CNTNAP2: variants seen among roughly 807,000 people sequenced by gnomAD.
CNTNAP2 encodes contactin associated protein 2, also known as contactin-associated protein-like 2.
In CNTNAP2, 98 loss-of-function variants were observed where a neutral mutation model predicts 155.2. That is an observed-to-expected ratio of 0.63 (90% confidence interval 0.54 to 0.75). CNTNAP2 has a LOEUF of 0.75. CNTNAP2 is among the 30% of genes least tolerant of loss of function. The pLI is 0.00. For missense variants in CNTNAP2, 1,727 were observed against 1,688.1 expected, an observed-to-expected ratio of 1.02 and a Z score of -0.40; for synonymous variants, 651 against 631.2, an observed-to-expected ratio of 1.03 and a Z score of -0.47.
chr7:146,280,646 C>T (rs802514), intron 1 of CNTNAP2, among the ~76,000 whole-genome samples: 9,027 of 152,148 alleles, frequency 0.059, 729 homozygotes, highest in African/African-American at 0.18. Context: ...GTAGGGTCAT[C>T]GGCTGCCCAC....
chr7:148,176,215 T>C (rs1165221761), intron 18 of CNTNAP2, among the ~76,000 whole-genome samples: 1 of 45,640 alleles, frequency 2.2e-5, no homozygotes, highest in Non-Finnish European at 5.1e-5. Flanking sequence ...CTTTCTCTTT[T>C]TTTTTTTTTT....
intron 13 of CNTNAP2, among the ~76,000 whole-genome samples, chr7:147,863,435 G>C (rs573678080): frequency 6.6e-6 from 1 of 152,046 alleles, no homozygotes; most frequent in African/African-American, 2.4e-5. Flanking sequence ...AATCCTTTTG[G>C]TATATACCCA....
chr7:147,813,721 T>C (rs917130987), intron 13 of CNTNAP2, among the ~76,000 whole-genome samples: 1 of 152,196 alleles, frequency 6.6e-6, no homozygotes, highest in Admixed American at 6.5e-5. Flanking sequence ...GAAATTAAAA[T>C]ATTTATATTC....
chr7:147,284,005 T>G (rs995900140), intron 8 of CNTNAP2, among the ~76,000 whole-genome samples: 1 of 151,870 alleles, frequency 6.6e-6, no homozygotes, highest in African/African-American at 2.4e-5. Flanking sequence ...TGTAATTTTC[T>G]TTTTTCATCT....
intron 3 of CNTNAP2, among the ~76,000 whole-genome samples, chr7:146,929,313 A>G (rs1796691700): frequency 6.6e-6 from 1 of 152,160 alleles, no homozygotes; most frequent in African/African-American, 2.4e-5. Context: ...ACCACTACTG[A>G]TACCCAGGCA....
intron 1 of CNTNAP2, among the ~76,000 whole-genome samples, chr7:146,349,348 A>G (rs1480972926): frequency 2.0e-5 from 3 of 152,194 alleles, no homozygotes; most frequent in African/African-American, 7.2e-5. Context: ...CAACAGCAGT[A>G]TTTCACCCGG....
intron 3 of CNTNAP2, among the ~76,000 whole-genome samples, chr7:146,936,440 A>G (rs28750519): frequency 0.044 from 6,732 of 152,274 alleles, 170 homozygotes; most frequent in South Asian, 0.075. Context: ...ACTGTTTTCC[A>G]GTGGGTTTCA....
At chr7:146,676,456 T>A (rs969425827) in intron 1 of CNTNAP2, among the ~76,000 whole-genome samples, 4 of 151,648 alleles carry the variant, frequency 2.6e-5, no homozygotes, top group Non-Finnish European at 4.4e-5. Flanking sequence ...TTCTTTTTTT[T>A]AATAATTTCA....
chr7:146,705,214 G>A lies in CNTNAP2; in HGVS notation c.98-69057G>A, dbSNP rs150240185. 6.0e-3 allele frequency among the ~76,000 whole-genome samples: 917 copies of A among 152,210 alleles called. 6 individuals are homozygous for A. The highest frequency in any genetic ancestry group is 0.017 in the Middle Eastern group (5 of 294). ...TTAACTTGCATCATCAGTTTGAATAGGGCAGACTCTTAGTCCTTCCAGGCT... is the reference window on the plus strand; with the variant it reads ...TTAACTTGCATCATCAGTTTGAATAAGGCAGACTCTTAGTCCTTCCAGGCT... On this transcript the variant is annotated intron_variant, in intron 1 of 23. Transcript: ENST00000361727.
At chr7:147,979,753 G>A (rs890173066) in intron 15 of CNTNAP2, among the ~76,000 whole-genome samples, 19 of 152,076 alleles carry the variant, frequency 1.2e-4, no homozygotes, top group Non-Finnish European at 2.9e-5. Context: ...CTCCCAAGTA[G>A]CTGGGATTAC....
chr7:146,132,774 G>T (rs1023939904), intron 1 of CNTNAP2, among the ~76,000 whole-genome samples: 1 of 150,594 alleles, frequency 6.6e-6, no homozygotes, highest in African/African-American at 2.4e-5. Context: ...AGTATTCCAT[G>T]GTGTATATGT....
intron 1 of CNTNAP2, among the ~76,000 whole-genome samples, chr7:146,378,856 AAAGTAATC>A (rs1795341925): frequency 6.6e-6 from 1 of 152,252 alleles, no homozygotes; most frequent in Non-Finnish European, 1.5e-5. Context: ...TTGCTGAAGC[AAAGTAATC>A]ATTTTAGGTC....
At chr7:146,314,126 T>A (rs965590194) in intron 1 of CNTNAP2, among the ~76,000 whole-genome samples, 1 of 152,224 alleles carries the variant, frequency 6.6e-6, no homozygotes, top group African/African-American at 2.4e-5. Flanking sequence ...AATCCGTCAT[T>A]TCCTATTATG....
At chr7:147,287,109 G>A (rs1303361410) in intron 8 of CNTNAP2, among the ~76,000 whole-genome samples, 5 of 152,090 alleles carry the variant, frequency 3.3e-5, no homozygotes, top group Non-Finnish European at 5.9e-5. Flanking sequence ...CGGAGACTAC[G>A]CTCAACTTCA....
At chr7:148,347,164 G>A (rs1798342884) in intron 21 of CNTNAP2, among the ~76,000 whole-genome samples, 2 of 152,094 alleles carry the variant, frequency 1.3e-5, no homozygotes, top group Admixed American at 6.6e-5. Flanking sequence ...GGCTGAGGCA[G>A]GAGAATCGCC....
chr7:147,682,404 T>C (rs1408286213), intron 13 of CNTNAP2, among the ~76,000 whole-genome samples: 6 of 152,090 alleles, frequency 3.9e-5, no homozygotes, highest in Admixed American at 2.6e-4. Flanking sequence ...CCAATCTAAT[T>C]ATGTGAAATT....
At chr7:146,664,844 C>T (rs1800163147) in intron 1 of CNTNAP2, among the ~76,000 whole-genome samples, 1 of 152,050 alleles carries the variant, frequency 6.6e-6, no homozygotes, top group Non-Finnish European at 1.5e-5. Context: ...TAGGCTGTTT[C>T]TTCTTCAGTA....
intron 1 of CNTNAP2, among the ~76,000 whole-genome samples, chr7:146,145,528 T>C (rs1797945933): frequency 6.6e-6 from 1 of 152,200 alleles, no homozygotes; most frequent in African/African-American, 2.4e-5. Flanking sequence ...GTGTCCTTGA[T>C]GTGGATTGAA....
At chr7:146,798,627 G>A (rs1028615592) in intron 2 of CNTNAP2, among the ~76,000 whole-genome samples, 8 of 152,156 alleles carry the variant, frequency 5.3e-5, no homozygotes, top group African/African-American at 1.7e-4. Context: ...TTCCAGGCAT[G>A]AGCCACTGTG....
Sources: allele counts gnomAD v4.1 joint callset (sites outside exome capture counted in the v4.1 genomes callset), GRCh38; gene constraint gnomAD v4.1.1; transcripts MANE v1.5; gene names NCBI Gene and HGNC (gene_info 2026-07-23, HGNC 2026-07-21).